Variants in BTBD2 observed in about 807,000 individuals in gnomAD.
The protein encoded by BTBD2 is BTB domain containing 2.
A neutral mutation model predicts 44.0 loss-of-function variants in BTBD2; 15 were observed. The ratio of observed to expected loss-of-function variants is 0.34; its 90% confidence interval spans 0.23 to 0.53. The LOEUF (loss-of-function observed/expected upper bound fraction) is 0.53. Ranked by LOEUF, BTBD2 falls within the 20% of genes least tolerant of loss-of-function variation. The pLI is 0.95. For missense variants in BTBD2, 657 were observed against 746.4 expected, an observed-to-expected ratio of 0.88 and a Z score of 1.39; for synonymous variants, 443 against 335.9, an observed-to-expected ratio of 1.32 and a Z score of -3.49.
intron 4 of BTBD2, 175 bp from the exon 5 acceptor site, chr19:1,990,376 C>A: frequency 2.9e-6 from 2 of 688,452 alleles, no homozygotes; most frequent in South Asian, 3.8e-5. Flanking sequence ...CACAAGACCA[C>A]GCCCCTTCAT....
chr19:2,010,402 C>T (rs1489249853), intron 1 of BTBD2, among the ~76,000 whole-genome samples: 1 of 152,146 alleles, frequency 6.6e-6, no homozygotes, highest in African/African-American at 2.4e-5. Flanking sequence ...CAACCCCTGG[C>T]CTCCTCCCCA....
chr19:2,012,101 G>A (rs1376099035), intron 1 of BTBD2, among the ~76,000 whole-genome samples: 4 of 151,784 alleles, frequency 2.6e-5, no homozygotes, highest in African/African-American at 4.8e-5. Flanking sequence ...TGATTCGCCC[G>A]CCTCGGCCTC....
chr19:2,009,433 C>T (rs559818047), intron 1 of BTBD2, among the ~76,000 whole-genome samples: 2 of 151,376 alleles, frequency 1.3e-5, no homozygotes, highest in Non-Finnish European at 3.0e-5. Flanking sequence ...TTCCTGACCT[C>T]GTGATCCGCC....
intron 1 of BTBD2, among the ~76,000 whole-genome samples, chr19:2,006,411 G>T (rs1256457493): frequency 1.3e-5 from 2 of 151,842 alleles, no homozygotes; most frequent in Non-Finnish European, 2.9e-5. Flanking sequence ...GGAGGCTGAG[G>T]CAGGAGAATC....
At chr19:1,992,550 T>C (rs113400818) in intron 3 of BTBD2, among the ~76,000 whole-genome samples, 9 of 151,820 alleles carry the variant, frequency 5.9e-5, no homozygotes, top group African/African-American at 1.2e-4. Context: ...AATAATTTTT[T>C]GAAGTATCAC....
chr19:1,991,122 G>A (rs1182657617), intron 3 of BTBD2: 1 of 305,508 alleles, frequency 3.3e-6, no homozygotes, highest in African/African-American at 2.2e-5. Context: ...GGCAAAAGGG[G>A]CGTTGCAGCT....
At chr19:2,000,975 C>T (rs1446151080) in intron 1 of BTBD2, among the ~76,000 whole-genome samples, 4 of 152,186 alleles carry the variant, frequency 2.6e-5, no homozygotes, top group Non-Finnish European at 2.9e-5. Context: ...CCCCAGAGTC[C>T]TCAGATTCAG....
rs1403920760 is a variant in BTBD2 at position 1,986,661 on chromosome 19, A to AG, written c.1417-13dup. The AG allele has an allele frequency of 1.9e-6, 3 of 1,612,604 alleles. No homozygotes were observed. The highest frequency in any genetic ancestry group is 2.7e-5 in the African/African-American group (2 of 74,894). On this transcript the variant is annotated splice_polypyrimidine_tract_variant and intron_variant, in intron 8 of 8. Coordinates refer to ENST00000255608, the MANE Select transcript of BTBD2 (RefSeq NM_017797.4). ...TGGGAGTCTGGGCCCTGTAGGGAATAGGGGTACAGTGAGGTCAAGGACCAC... is the reference window on the plus strand; with the variant it reads ...TGGGAGTCTGGGCCCTGTAGGGAATAGGGGGTACAGTGAGGTCAAGGACCAC...
At chr19:1,996,323 T>C (rs941343812) in intron 2 of BTBD2, among the ~76,000 whole-genome samples, 1 of 152,138 alleles carries the variant, frequency 6.6e-6, no homozygotes, top group African/African-American at 2.4e-5. Context: ...GGATAGTTTT[T>C]CTATTTTTGC....
chr19:1,992,344 C>T lies in BTBD2; in HGVS notation c.684+676G>A, dbSNP rs367923289. ...CAAACTCCTGACCTCTGGTGATCTG[C>T]CTGTCTCAGCCTCCCAAAATGCTGG... On this transcript the variant is annotated intron_variant, in intron 3 of 8. Coordinates refer to ENST00000255608, the MANE Select transcript of BTBD2 (RefSeq NM_017797.4). Among the ~76,000 whole-genome samples the T allele has an allele frequency of 1.8e-4, 27 of 152,116 alleles. 2 individuals are homozygous for T. In the South Asian group the frequency reaches 5.6e-3, roughly 32 times the overall value.
intron 1 of BTBD2, among the ~76,000 whole-genome samples, chr19:2,013,103 C>T (rs1315618241): frequency 6.6e-6 from 1 of 152,230 alleles, no homozygotes; most frequent in Non-Finnish European, 1.5e-5. Context: ...GGGCAGGAAC[C>T]TCTGCTAAGT....
At chr19:2,008,680 C>G (rs1199257828) in intron 1 of BTBD2, among the ~76,000 whole-genome samples, 1 of 150,988 alleles carries the variant, frequency 6.6e-6, no homozygotes, top group Non-Finnish European at 1.5e-5. Context: ...CAGCGGCAAC[C>G]TCCCAGGCTC....
chr19:2,001,801 A>C (rs1220045792), intron 1 of BTBD2, among the ~76,000 whole-genome samples: 1 of 151,754 alleles, frequency 6.6e-6, no homozygotes, highest in Non-Finnish European at 1.5e-5. Context: ...GCAGTGGCGC[A>C]ATCTTGGCTC....
intron 1 of BTBD2, among the ~76,000 whole-genome samples, chr19:2,000,459 G>A (rs962721655): frequency 1.2e-4 from 19 of 152,226 alleles, no homozygotes; most frequent in East Asian, 3.8e-4. Flanking sequence ...AAGTGGGCCC[G>A]GCGTGGGCCG....
At chr19:2,012,383 C>T (rs62129533) in intron 1 of BTBD2, among the ~76,000 whole-genome samples, 24,144 of 151,522 alleles carry the variant, frequency 0.16, 2,292 homozygotes, top group East Asian at 0.31. Flanking sequence ...ATCTCCCGAC[C>T]TCGTGATCTG....
intron 2 of BTBD2, among the ~76,000 whole-genome samples, chr19:1,995,499 G>T (rs555627940): frequency 6.9e-6 from 1 of 144,176 alleles, no homozygotes; most frequent in Admixed American, 7.1e-5. Context: ...AGCCAGGATG[G>T]TCTCGATCTC....
chr19:1,993,161 G>T lies in BTBD2; in HGVS notation c.543C>A (p.Asp181Glu). 1 of 1,602,544 alleles carries T rather than the reference G, an allele frequency of 6.2e-7. No individual in the cohort carries two copies. Residue 181 changes from aspartate (D) to glutamate (E), a missense_variant, in exon 3 of 9, where the codon GAC becomes GAA. Asp to Glu is a conservative substitution (Grantham distance 45, BLOSUM62 2). Around this residue, in one of 3 missense-constraint regions of BTBD2, gnomAD observed 449 missense variants for 510.9 expected, o/e 0.88. Coordinates refer to ENST00000255608, the MANE Select transcript of BTBD2 (RefSeq NM_017797.4). ...FLALLKFLYS[D>E]EVQIGPETVM... is the part of the protein sequence containing the mutation. ...CCGTCTCCGGGCCAATCTGCACCTC[G>T]TCCGAGTAGAGAAACCTGCAGAAGC...
chr19:2,008,651 G>A (rs1406560264), intron 1 of BTBD2, among the ~76,000 whole-genome samples: 1 of 149,636 alleles, frequency 6.7e-6, no homozygotes, highest in Non-Finnish European at 1.5e-5. Flanking sequence ...GAGTGCAGTG[G>A]TAGGATCATG....
Position 2,004,833 on chromosome 19 carries a change from T to G in BTBD2, c.408-7370A>C, listed in dbSNP as rs1045818321. On this transcript the variant is annotated intron_variant, in intron 1 of 8. Coordinates refer to ENST00000255608, the MANE Select transcript of BTBD2 (RefSeq NM_017797.4). ...ATCTCTACAAAAAAAAAATTATTAT[T>G]TTTTTTTAGATGGAGTCTTGCTCTG... Among the ~76,000 whole-genome samples, 16 of 151,128 alleles carry G rather than the reference T, an allele frequency of 1.1e-4. 2 individuals are homozygous for G. The highest frequency in any genetic ancestry group is 5.9e-4 in the Admixed American group (9 of 15,146).
Sources: allele counts gnomAD v4.1 joint callset (sites outside exome capture counted in the v4.1 genomes callset), GRCh38; gene constraint gnomAD v4.1.1; regional missense constraint gnomAD v4.1.1; transcripts MANE v1.5; gene names NCBI Gene and HGNC (gene_info 2026-07-23, HGNC 2026-07-21).